Variants in TBL1XR1 observed in about 807,000 individuals in gnomAD.
TBL1XR1 encodes the protein F-box-like/WD repeat-containing protein TBL1XR1.
TBL1XR1 carries 5 observed loss-of-function variants against 66.9 expected under a neutral mutation model. The ratio of observed to expected loss-of-function variants is 0.07; its 90% CI spans 0.04 to 0.16. The LOEUF (loss-of-function observed/expected upper bound fraction) is 0.16, where lower values mean the gene tolerates loss of function less well. Among genes scored for constraint, TBL1XR1 ranks in the 10% least tolerant of loss-of-function variants. The pLI, the probability that TBL1XR1 is intolerant of heterozygous loss-of-function variation, is 1.00. For synonymous variants in TBL1XR1, 210 were observed against 206.0 expected, an observed-to-expected ratio of 1.02 and a Z score of -0.17; for missense variants, 238 against 623.2, an observed-to-expected ratio of 0.38 and a Z score of 6.58.
intron 1 of TBL1XR1, among the ~76,000 whole-genome samples, chr3:177,107,051 T>C (rs548284913): frequency 6.6e-6 from 1 of 152,276 alleles, no homozygotes; most frequent in East Asian, 1.9e-4. Flanking sequence ...TCAAACACTC[T>C]TCACAACTAA....
intron 2 of TBL1XR1, among the ~76,000 whole-genome samples, chr3:177,074,036 T>C (rs1342727525): frequency 6.6e-6 from 1 of 152,204 alleles, no homozygotes; most frequent in African/African-American, 2.4e-5. Flanking sequence ...ATGCAGGTCT[T>C]TGGTACTGGA....
At position 177,055,508 on chromosome 3, in the gene TBL1XR1, T is replaced by C. The variant is rs945554844; in HGVS notation, c.59-1590A>G. Among the ~76,000 whole-genome samples the C allele has an allele frequency of 1.2e-3, 159 of 136,132 alleles. 1 individual carries two copies. The highest frequency in any genetic ancestry group is 4.1e-3 in the African/African-American group (150 of 36,664). 89.3% of individuals were successfully genotyped at this position (136,132 alleles called of 152,430 possible). On this transcript the variant is annotated intron_variant, in intron 3 of 15. Coordinates refer to ENST00000457928, the MANE Select transcript of TBL1XR1 (RefSeq NM_024665.7). ...TAAATGCATTTATAGTTTTCATAGT[T>C]TTCACCTTAATCTGGGCTCACAGAG... is the stretch of plus-strand genomic sequence containing the variant.
chr3:177,165,281 C>A (rs534379268), intron 1 of TBL1XR1, among the ~76,000 whole-genome samples: 2 of 152,206 alleles, frequency 1.3e-5, no homozygotes, highest in South Asian at 4.1e-4. Flanking sequence ...ATTTATATTA[C>A]TCAGGCACAA....
At chr3:177,112,371 G>A (rs1195897281) in intron 1 of TBL1XR1, among the ~76,000 whole-genome samples, 1 of 151,542 alleles carries the variant, frequency 6.6e-6, no homozygotes, top group Non-Finnish European at 1.5e-5. Context: ...GCCTCCAAAA[G>A]TGCTGGGATT....
At chr3:177,074,245 A>G (rs1444562098) in intron 2 of TBL1XR1, among the ~76,000 whole-genome samples, 1 of 152,224 alleles carries the variant, frequency 6.6e-6, no homozygotes, top group Admixed American at 6.5e-5. Flanking sequence ...GCTAGAGAAT[A>G]GAGAGGCATA....
At chr3:177,106,546 G>T (rs1332551153) in intron 1 of TBL1XR1, among the ~76,000 whole-genome samples, 1 of 152,156 alleles carries the variant, frequency 6.6e-6, no homozygotes, top group Non-Finnish European at 1.5e-5. Flanking sequence ...CACACAGGTG[G>T]GTTTGGACTC....
intron 1 of TBL1XR1, among the ~76,000 whole-genome samples, chr3:177,133,405 C>T (rs1259854819): frequency 6.6e-6 from 1 of 152,214 alleles, no homozygotes; most frequent in Non-Finnish European, 1.5e-5. Flanking sequence ...ACATCCTGAG[C>T]TTTCATTGCA....
rs750016079 is a variant in TBL1XR1, at chr3:177,024,999, C to T, written c.*499G>A. On this transcript the variant is annotated 3_prime_UTR_variant, in exon 16 of 16. Transcript: ENST00000457928. ...TGATTCACTCCCTTACTTCATGCAT[C>T]CATAATCTAAACCAAAAACGAAATT... is the stretch of plus-strand genomic sequence containing the variant. 13 of 153,960 alleles carry T rather than the reference C, an allele frequency of 8.4e-5. No homozygotes were observed. Among genetic ancestry groups the T allele is most frequent in the Admixed American group, 3.3e-4 (5 of 15,288 alleles). 9.5% of individuals were successfully genotyped at this position (153,960 alleles called of 1,614,324 possible).
intron 2 of TBL1XR1, among the ~76,000 whole-genome samples, chr3:177,065,675 A>G (rs1158001826): frequency 6.6e-6 from 1 of 152,228 alleles, no homozygotes; most frequent in Non-Finnish European, 1.5e-5. Context: ...AATATATCTA[A>G]TTATACTTAT....
rs1712082471 is a variant in TBL1XR1 at position 177,019,371 on chromosome 3, C to G, written c.*6127G>C. ...ATTGTCTTCTGTACTTTACTAAACA[C>G]TTTGTGTTTAATATATTTTAAATTG... On this transcript the variant is annotated 3_prime_UTR_variant, in exon 16 of 16. Transcript: ENST00000457928. The G allele has an allele frequency of 1.3e-5, 2 of 152,060 alleles. No homozygotes were observed. The highest frequency in any genetic ancestry group is 4.1e-4 in the South Asian group (2 of 4,832). 9.4% of individuals were successfully genotyped at this position (152,060 alleles called of 1,614,324 possible). A position where few individuals can be genotyped will look rare whatever the true frequency, so the allele number is the denominator to read the frequency against.
At chr3:177,098,802 C>G (rs1231775020) in intron 1 of TBL1XR1, among the ~76,000 whole-genome samples, 1 of 152,120 alleles carries the variant, frequency 6.6e-6, no homozygotes, top group Non-Finnish European at 1.5e-5. Flanking sequence ...CACAAGTGGT[C>G]TCACCACCAG....
At chr3:177,167,957 A>T (rs910707168) in intron 1 of TBL1XR1, among the ~76,000 whole-genome samples, 2 of 152,002 alleles carry the variant, frequency 1.3e-5, no homozygotes, top group Non-Finnish European at 2.9e-5. Flanking sequence ...TAAGTATCTT[A>T]AAAAAGTGTT....
intron 2 of TBL1XR1, among the ~76,000 whole-genome samples, chr3:177,088,107 C>T (rs1379699402): frequency 6.6e-6 from 1 of 152,008 alleles, no homozygotes; most frequent in Non-Finnish European, 1.5e-5. Context: ...ATAGAAAGGA[C>T]AGCAAAATTA....
upstream of TBL1XR1, among the ~76,000 whole-genome samples, chr3:177,197,902 T>G: frequency 7.0e-6 from 1 of 142,222 alleles, no homozygotes; most frequent in Non-Finnish European, 1.5e-5. Flanking sequence ...TGTGGGCCGC[T>G]GGGCCCGAGA....
At chr3:177,099,897 AATTT>A (rs1391724349) in intron 1 of TBL1XR1, among the ~76,000 whole-genome samples, 1 of 152,266 alleles carries the variant, frequency 6.6e-6, no homozygotes, top group South Asian at 2.1e-4. Context: ...ACATGCATTC[AATTT>A]ATTTATAAAT....
intron 1 of TBL1XR1, among the ~76,000 whole-genome samples, chr3:177,159,463 A>C (rs1731908991): frequency 6.6e-6 from 1 of 152,188 alleles, no homozygotes; most frequent in African/African-American, 2.4e-5. Flanking sequence ...AATATATATA[A>C]TTTATACACA....
rs10662042 is a variant in TBL1XR1 at position 177,134,945 on chromosome 3, C to CTGTGTGTGTGTGTGTGTGTGTG, written c.-121-36405_-121-36404insCACACACACACACACACACACA. Among the ~76,000 whole-genome samples the CTGTGTGTGTGTGTGTGTGTGTG allele has an allele frequency of 3.4e-3, 439 of 129,040 alleles. 3 individuals carry two copies. Among genetic ancestry groups the CTGTGTGTGTGTGTGTGTGTGTG allele is most frequent in the African/African-American group, 8.7e-3 (295 of 33,930 alleles). 84.7% of individuals were successfully genotyped at this position (129,040 alleles called of 152,430 possible). A position where few individuals can be genotyped will look rare whatever the true frequency, so the allele number is the denominator to read the frequency against. On this transcript the variant is annotated intron_variant, in intron 1 of 15. Transcript: ENST00000457928. ...CTGTATCACTCCTGGCACTGCAAGG[C>CTGTGTGTGTGTGTGTGTGTGTG]TGTGTGTGTGTGTGTGTGTGTCTGT...
intron 3 of TBL1XR1, among the ~76,000 whole-genome samples, 171 bp from the exon 4 acceptor site, chr3:177,054,089 T>C (rs1412622275): frequency 6.6e-6 from 1 of 151,666 alleles, no homozygotes; most frequent in African/African-American, 2.4e-5. Context: ...CGCGTGTGTG[T>C]GCATGTAAAC....
chr3:177,171,505 C>T (rs189106340), intron 1 of TBL1XR1: 1 of 151,654 alleles, frequency 6.6e-6, no homozygotes, highest in Non-Finnish European at 1.5e-5. Context: ...ACCATCCTGG[C>T]TAACACGGTG....
Sources: gnomAD v4.1 joint callset for allele counts (sites outside exome capture counted in the v4.1 genomes callset) on GRCh38, gnomAD v4.1.1 for gene constraint, MANE v1.5 for transcripts, NCBI Gene and HGNC (gene_info 2026-07-23, HGNC 2026-07-21) for gene names.